Variants in LMO7 observed in about 807,000 individuals in gnomAD.
LMO7 encodes the protein LIM domain only protein 7.
Under a neutral mutation model 206.5 loss-of-function variants are expected in LMO7, and 120 were observed. The ratio of observed to expected loss-of-function variants is 0.58; its 90% CI spans 0.50 to 0.68. LMO7 has a LOEUF of 0.68. LMO7 is among the 30% of genes least tolerant of loss of function. LMO7 has a pLI of 0.00. For synonymous variants in LMO7, 706 were observed against 681.5 expected (o/e 1.04, Z -0.56); for missense variants, 1,959 against 1,957.9 (o/e 1.00, Z -0.01).
chr13:75,769,771 C>T (rs1477655506), intron 4 of LMO7, among the ~76,000 whole-genome samples: 3 of 152,054 alleles, frequency 2.0e-5, no homozygotes, highest in Non-Finnish European at 2.9e-5. Flanking sequence ...GGAGAAGTCC[C>T]TAGATGCTTA....
At chr13:75,781,296 G>A (rs1195683433) in intron 4 of LMO7, among the ~76,000 whole-genome samples, 3 of 78,476 alleles carry the variant, frequency 3.8e-5, no homozygotes, top group Admixed American at 2.2e-4. Context: ...CCCCACAACA[G>A]TCCCCAGAGT....
At chr13:75,836,018 CTT>C (rs2059086537) in intron 18 of LMO7, among the ~76,000 whole-genome samples, 1 of 152,064 alleles carries the variant, frequency 6.6e-6, no homozygotes, top group African/African-American at 2.4e-5. Flanking sequence ...AGGTATAACT[CTT>C]TTATTTAATA....
Position 75,727,090 on chromosome 13 carries a change from G to C in LMO7, c.202G>C (p.Ala68Pro). ...KKINRLSTPI[A>P]GLDNINVFLK... is the part of the protein sequence containing the mutation. Reference sequence around the variant, plus strand: ...GATCAATAGACTGTCTACACCAATAGCAGGATTGGTAAGTAGTAAATTATC... The same window carrying C: ...GATCAATAGACTGTCTACACCAATACCAGGATTGGTAAGTAGTAAATTATC... The change falls in exon 3 of 31, where the codon GCA becomes CCA. Residue 68 changes from alanine to proline, a missense_variant. Physicochemically the swap from Ala to Pro is conservative, Grantham distance 27 (BLOSUM62 -1). Transcript: ENST00000377534. The C allele has an allele frequency of 1.3e-6, 2 of 1,570,164 alleles. No homozygotes were observed. The highest frequency in any genetic ancestry group is 1.8e-6 in the Non-Finnish European group (2 of 1,142,278).
chr13:75,677,897 G>A (rs1229300026), intron 1 of LMO7, among the ~76,000 whole-genome samples: 1 of 149,470 alleles, frequency 6.7e-6, no homozygotes, highest in Non-Finnish European at 1.5e-5. Flanking sequence ...GCAGTGTTTG[G>A]TTTTTTGTCC....
At chr13:75,658,726 G>GGCGCCCACCACC (rs2038284800) in intron 1 of LMO7, among the ~76,000 whole-genome samples, 1 of 152,004 alleles carries the variant, frequency 6.6e-6, no homozygotes, top group Admixed American at 6.6e-5. Flanking sequence ...TGGGACTACA[G>GGCGCCCACCACC]GCGCCCACCA....
rs544418196 is a variant in LMO7, at chr13:75,652,747, GT to G, written c.69+16022del. 4.0e-3 allele frequency among the ~76,000 whole-genome samples: 607 copies of G among 151,780 alleles called. 9 individuals are homozygous for G. The highest frequency in any genetic ancestry group is 0.014 in the African/African-American group (580 of 41,360). ...ATTGCCAATGCAGAATTTCACACAAGTAAAATGCTGCTTTATTAAACTTAAA... is the reference window on the plus strand; with the variant it reads ...ATTGCCAATGCAGAATTTCACACAAGAAAATGCTGCTTTATTAAACTTAAA... On this transcript the variant is annotated intron_variant, in intron 1 of 30. Transcript: ENST00000377534.
intron 3 of LMO7, among the ~76,000 whole-genome samples, chr13:75,760,105 G>T (rs2048032142): frequency 6.6e-6 from 1 of 151,370 alleles, no homozygotes; most frequent in Non-Finnish European, 1.5e-5. Context: ...GTTAATTCTG[G>T]TAACCAAATG....
At chr13:75,743,761 C>T (rs763950654) in intron 3 of LMO7, among the ~76,000 whole-genome samples, 4 of 151,918 alleles carry the variant, frequency 2.6e-5, no homozygotes, top group Non-Finnish European at 4.4e-5. Flanking sequence ...AGGCTTAGTA[C>T]CTGGGTGATG....
At chr13:75,807,211 C>A (rs1303626598) in intron 9 of LMO7, 1 of 401,946 alleles carries the variant, frequency 2.5e-6, no homozygotes, top group Non-Finnish European at 4.6e-6. Context: ...CATGCTCCAG[C>A]CCCATCCGTG....
upstream of LMO7, chr13:75,631,705 G>C (rs1488408232): frequency 6.6e-6 from 1 of 152,276 alleles, no homozygotes; most frequent in East Asian, 1.9e-4. Context: ...GTCCTGGGAG[G>C]GGAAGGACCT....
At chr13:75,636,183 A>C, upstream of LMO7, 2 of 518,586 alleles carry the variant, frequency 3.9e-6, no homozygotes, top group Non-Finnish European at 5.0e-6. Context: ...CAGTCTGACC[A>C]CAGAGGCGGC....
intron 27 of LMO7, among the ~76,000 whole-genome samples, chr13:75,851,904 G>A (rs2060529542): frequency 6.6e-6 from 1 of 152,064 alleles, no homozygotes; most frequent in African/African-American, 2.4e-5. Flanking sequence ...ACTTGGGTTT[G>A]AAAGCCAGTG....
chr13:75,830,456 G>A (rs571767104), intron 15 of LMO7, among the ~76,000 whole-genome samples: 2 of 152,230 alleles, frequency 1.3e-5, no homozygotes, highest in South Asian at 4.1e-4. Flanking sequence ...GAAAGAGAAG[G>A]CTTTACCAGG....
At chr13:75,718,594 C>T (rs781668483) in intron 2 of LMO7, among the ~76,000 whole-genome samples, 1 of 152,166 alleles carries the variant, frequency 6.6e-6, no homozygotes, top group Non-Finnish European at 1.5e-5. Context: ...CAACGTCCCC[C>T]ACCAGAGGGG....
chr13:75,841,858 T>G lies in LMO7; in HGVS notation c.3906T>G (p.Leu1302=), dbSNP rs769753189. The G allele has an allele frequency of 6.2e-7, 1 of 1,614,070 alleles. No homozygotes were observed. The highest frequency in any genetic ancestry group is 8.5e-7 in the Non-Finnish European group (1 of 1,180,002). ...IERERKWEQQ[L]QEEQEQKRLQ... ...GAGAGAGGAAATGGGAGCAACAGCTTCAGGAAGAGCAAGAGCAAAAGCGGC... is the reference window on the plus strand; with the variant it reads ...GAGAGAGGAAATGGGAGCAACAGCTGCAGGAAGAGCAAGAGCAAAAGCGGC... The change falls in exon 24 of 31, where the codon CTT becomes CTG. Residue 1302 remains leucine (L), a synonymous_variant. Coordinates refer to ENST00000377534, the MANE Select transcript of LMO7 (RefSeq NM_001306080.2).
At chr13:75,641,342 A>G (rs116621522) in intron 1 of LMO7, among the ~76,000 whole-genome samples, 1 of 152,330 alleles carries the variant, frequency 6.6e-6, no homozygotes, top group African/African-American at 2.4e-5. Context: ...AGCTTCCAGA[A>G]GTTGCTCAGA....
intron 3 of LMO7, among the ~76,000 whole-genome samples, chr13:75,739,842 C>G (rs1433598095): frequency 1.3e-5 from 2 of 152,086 alleles, no homozygotes; most frequent in East Asian, 3.9e-4. Flanking sequence ...TTTGTCCTAT[C>G]CCCACTTATT....
chr13:75,637,385 A>C (rs920774223), intron 1 of LMO7, among the ~76,000 whole-genome samples: 3 of 152,188 alleles, frequency 2.0e-5, no homozygotes, highest in Non-Finnish European at 2.9e-5. Context: ...TGTGCCTCAC[A>C]GACAAGATCT....
chr13:75,784,275 A>G (rs757324648), intron 4 of LMO7, among the ~76,000 whole-genome samples: 1 of 152,208 alleles, frequency 6.6e-6, no homozygotes, highest in Non-Finnish European at 1.5e-5. Context: ...GCATAAATCA[A>G]ATTGTGAAAA....
Sources: allele counts gnomAD v4.1 joint callset (sites outside exome capture counted in the v4.1 genomes callset), GRCh38; gene constraint gnomAD v4.1.1; transcripts MANE v1.5; gene names NCBI Gene and HGNC (gene_info 2026-07-23, HGNC 2026-07-21).